The following TNPO1 variants were observed in gnomAD, a reference collection of about 807,000 sequenced individuals.
TNPO1 encodes the protein transportin-1.
In TNPO1, 8 loss-of-function variants were observed where a neutral mutation model predicts 119.5. That is an observed-to-expected ratio of 0.07 (90% CI 0.04 to 0.12). The LOEUF (loss-of-function observed/expected upper bound fraction) is 0.12, where lower values mean the gene tolerates loss of function less well. TNPO1 is among the 10% of genes least tolerant of loss of function. The probability of loss-of-function intolerance (pLI) is 1.00; values close to 1 mark genes in which losing one functional copy is unlikely to be tolerated. For synonymous variants in TNPO1, 362 were observed against 363.0 expected, an observed-to-expected ratio of 1.00 and a Z score of 0.03; for missense variants, 576 against 1,089.8, an observed-to-expected ratio of 0.53 and a Z score of 6.64.
rs869051297 is a variant in TNPO1 at position 72,906,275 on chromosome 5, CTTTTTT to C, written c.*35+863_*35+868del. Reference sequence around the variant, plus strand: ...CCATGTGCCCATCACTTTTTTTTTTCTTTTTTTTTTTTTTTTTTTTTTTTTTTTTTT... The same window carrying C: ...CCATGTGCCCATCACTTTTTTTTTTCTTTTTTTTTTTTTTTTTTTTTTTTT... On this transcript the variant is annotated intron_variant, in intron 24 of 24. Transcript: ENST00000337273. Among the ~76,000 whole-genome samples, 208 of 54,690 alleles carry C rather than the reference CTTTTTT, an allele frequency of 3.8e-3. 27 individuals are homozygous for C. The highest frequency in any genetic ancestry group is 4.9e-3 in the Admixed American group (18 of 3,686). 35.9% of individuals were successfully genotyped at this position (54,690 alleles called of 152,430 possible). A position where few individuals can be genotyped will look rare whatever the true frequency, so the allele number is the denominator to read the frequency against.
chr5:72,852,503 G>T (rs1015782315), intron 3 of TNPO1, among the ~76,000 whole-genome samples: 1 of 152,134 alleles, frequency 6.6e-6, no homozygotes, highest in Non-Finnish European at 1.5e-5. Flanking sequence ...TATTTATTGC[G>T]CAACTGATTG....
intron 8 of TNPO1, among the ~76,000 whole-genome samples, chr5:72,876,042 C>T (rs559088626): frequency 1.1e-4 from 16 of 152,214 alleles, no homozygotes; most frequent in Non-Finnish European, 1.6e-4. Context: ...GGCTAGCATT[C>T]GTGGTATGCA....
chr5:72,861,058 A>T (rs1561318463), intron 4 of TNPO1, among the ~76,000 whole-genome samples: 1 of 152,014 alleles, frequency 6.6e-6, no homozygotes, highest in Admixed American at 6.6e-5. Context: ...GATTACAGGC[A>T]TGCACCACAT....
chr5:72,906,263 A>ACTTTTTTTTTT (rs1750137394), intron 24 of TNPO1, among the ~76,000 whole-genome samples: 1 of 17,454 alleles, frequency 5.7e-5, no homozygotes, highest in African/African-American at 2.1e-4. Context: ...TGTGCCCATC[A>ACTTTTTTTTTT]CTTTTTTTTT....
chr5:72,820,230 A>G (rs2112155485), intron 1 of TNPO1, among the ~76,000 whole-genome samples: 1 of 152,288 alleles, frequency 6.6e-6, no homozygotes, highest in Admixed American at 6.5e-5. Context: ...TTGCAGTTAT[A>G]AGAAACACTG....
In TNPO1 at chr5:72,838,078, A is replaced by C. The variant is rs182318534; in HGVS notation, c.16-10307A>C. Among the ~76,000 whole-genome samples the C allele has an allele frequency of 3.0e-3, 453 of 152,332 alleles. 2 individuals are homozygous for C. The highest frequency in any genetic ancestry group is 0.021 in the Middle Eastern group (6 of 292). On this transcript the variant is annotated intron_variant, in intron 1 of 24. Transcript: ENST00000337273. ...GGTTAGGTAAAACCTAATGCTAATC[A>C]GCCTACTAACCACTTAACTTTTTTT...
intron 2 of TNPO1, 56 bp from the exon 3 acceptor site, chr5:72,851,188 C>T (rs1251002382): frequency 9.3e-7 from 1 of 1,076,772 alleles, no homozygotes; most frequent in African/African-American, 1.6e-5. Flanking sequence ...ATTTAAAATG[C>T]TTAATTTCTT....
At chr5:72,876,877 G>A (rs1410488777) in intron 8 of TNPO1, among the ~76,000 whole-genome samples, 4 of 151,972 alleles carry the variant, frequency 2.6e-5, no homozygotes, top group East Asian at 1.9e-4. Flanking sequence ...GGCAGATCAC[G>A]AGGTCAGGAG....
chr5:72,882,980 C>T (rs1311029068), intron 10 of TNPO1, 84 bp from the exon 11 acceptor site: 13 of 961,340 alleles, frequency 1.4e-5, no homozygotes, highest in Non-Finnish European at 2.1e-5. Context: ...GACCCCATCT[C>T]TGGATATTCT....
chr5:72,855,229 T>A (rs1745895709), intron 3 of TNPO1, among the ~76,000 whole-genome samples: 1 of 151,538 alleles, frequency 6.6e-6, no homozygotes, highest in Non-Finnish European at 1.5e-5. Context: ...CTCCTGGCCT[T>A]CCAAAGTGCT....
chr5:72,865,797 A>G lies in TNPO1; in HGVS notation c.596+68A>G, dbSNP rs1746841658. 13 of 1,472,110 alleles carry G rather than the reference A, an allele frequency of 8.8e-6. No individual in the cohort carries two copies. The East Asian group carries it at 2.8e-4, about 32-fold the overall frequency. The allele number at this position is 1,472,110 out of a possible 1,614,324, so 91.2% of individuals were successfully genotyped here. On this transcript the variant is annotated intron_variant, in intron 6 of 24. Transcript: ENST00000337273. ...CCTGACCATTATCTTAGTTTTCATT[A>G]CCTAATATTTTTGACATTAGCAAAA... is the stretch of plus-strand genomic sequence containing the variant.
intron 5 of TNPO1, among the ~76,000 whole-genome samples, chr5:72,864,881 T>C (rs1264828920): frequency 6.6e-6 from 1 of 151,942 alleles, no homozygotes; most frequent in Non-Finnish European, 1.5e-5. Context: ...AGTGCTGGGA[T>C]TACAGGCTTG....
chr5:72,863,583 A>G lies in TNPO1; in HGVS notation c.462+1669A>G, dbSNP rs372539177. Among the ~76,000 whole-genome samples, 304 of 152,106 alleles carry G rather than the reference A, an allele frequency of 2.0e-3. 3 individuals are homozygous for G. The highest frequency in any genetic ancestry group is 7.1e-3 in the African/African-American group (294 of 41,500). On this transcript the variant is annotated intron_variant, in intron 5 of 24. Transcript: ENST00000337273. ...GAGAGACCAGCCTGGCCAACATGGTAAAACCCCATCTCTACTGAAATACAA... is the reference window on the plus strand; with the variant it reads ...GAGAGACCAGCCTGGCCAACATGGTGAAACCCCATCTCTACTGAAATACAA...
In TNPO1 at chr5:72,914,288, A is replaced by G. The variant is rs895496845; in HGVS notation, c.*5615A>G. 1 of 152,644 alleles carries G rather than the reference A, an allele frequency of 6.6e-6. No homozygotes were observed. Among genetic ancestry groups the G allele is most frequent in the Non-Finnish European group, 1.5e-5 (1 of 68,018 alleles). 9.5% of individuals were successfully genotyped at this position (152,644 alleles called of 1,614,324 possible). On this transcript the variant is annotated 3_prime_UTR_variant, in exon 25 of 25. Coordinates refer to ENST00000337273, the MANE Select transcript of TNPO1 (RefSeq NM_002270.4). Reference sequence around the variant, plus strand: ...ATTTTGGATCATGCAGAGAATATATATTGTACTGTAGTAATTTTGTATTTA... The same window carrying G: ...ATTTTGGATCATGCAGAGAATATATGTTGTACTGTAGTAATTTTGTATTTA...
chr5:72,817,211 G>A (rs1743733662), intron 1 of TNPO1, among the ~76,000 whole-genome samples: 1 of 152,228 alleles, frequency 6.6e-6, no homozygotes, highest in African/African-American at 2.4e-5. Flanking sequence ...CCCTCTGCCC[G>A]GGTCTCCTGC....
At chr5:72,878,774 A>C (rs1206478323) in intron 9 of TNPO1, 1 of 281,656 alleles carries the variant, frequency 3.6e-6, no homozygotes, top group Admixed American at 4.5e-5. Context: ...ATAATTTTAA[A>C]TGTCATAGAT....
At chr5:72,879,308 A>G (rs893518065) in intron 9 of TNPO1, 3 of 154,392 alleles carry the variant, frequency 1.9e-5, no homozygotes, top group Admixed American at 1.3e-4. Flanking sequence ...AACCTATGCT[A>G]TAACAAACCT....
At chr5:72,880,833 A>AAC (rs1554053617) in intron 9 of TNPO1, among the ~76,000 whole-genome samples, 5 of 151,604 alleles carry the variant, frequency 3.3e-5, no homozygotes, top group South Asian at 2.1e-4. Flanking sequence ...AAAAAAAAAA[A>AAC]ACCTCATTTT....
chr5:72,877,986 A>G (rs1319367179), intron 9 of TNPO1, among the ~76,000 whole-genome samples: 1 of 152,202 alleles, frequency 6.6e-6, no homozygotes, highest in Non-Finnish European at 1.5e-5. Context: ...GTTAGTGCTT[A>G]AAATTTTAAA....
Sources: allele counts gnomAD v4.1 joint callset (sites outside exome capture counted in the v4.1 genomes callset), GRCh38; gene constraint gnomAD v4.1.1; transcripts MANE v1.5; gene names NCBI Gene and HGNC (gene_info 2026-07-23, HGNC 2026-07-21).